The following CYP46A1 variants were observed in gnomAD, a reference collection of about 807,000 sequenced individuals.
The protein encoded by CYP46A1 is cytochrome P450 family 46 subfamily A member 1, also known as cholesterol 24-hydroxylase.
A neutral mutation model predicts 63.3 loss-of-function variants in CYP46A1; 20 were observed. The observed-to-expected ratio is 0.32, with a 90% CI of 0.22 to 0.46. CYP46A1 has a LOEUF of 0.46. CYP46A1 is among the 20% of genes least tolerant of loss of function. The pLI is 1.00. For synonymous variants in CYP46A1, 268 were observed against 273.6 expected (o/e 0.98, Z 0.20); for missense variants, 445 against 670.8 (o/e 0.66, Z 3.72).
At chr14:99,691,545 C>A in intron 2 of CYP46A1, 1 of 587,124 alleles carries the variant, frequency 1.7e-6, no homozygotes, top group Non-Finnish European at 3.0e-6. Flanking sequence ...AGGAGTGTTT[C>A]CAACCCTATT....
chr14:99,686,380 T>C (rs992281826), intron 1 of CYP46A1, among the ~76,000 whole-genome samples: 2 of 152,222 alleles, frequency 1.3e-5, no homozygotes, highest in African/African-American at 4.8e-5. Context: ...CAAAATGTAT[T>C]CTTTAGTGTA....
chr14:99,716,009 G>A lies in CYP46A1; in HGVS notation c.844+49G>A, dbSNP rs780301076. On this transcript the variant is annotated intron_variant, in intron 8 of 14. Transcript: ENST00000261835. ...TGGGGAGGGCGGGGTGGGCCAGGAC[G>A]TTCCCCAGGTGATACATCGCCACTG... The A allele has an allele frequency of 4.4e-6, 7 of 1,599,658 alleles. No homozygotes were observed. The South Asian group carries it at 4.5e-5, about 10-fold the overall frequency.
chr14:99,703,852 A>G (rs2056652200), intron 5 of CYP46A1: 1 of 985,270 alleles, frequency 1.0e-6, no homozygotes, highest in Non-Finnish European at 1.2e-6. Context: ...GAATTGGAAT[A>G]GTCTCAGTCT....
chr14:99,721,473 C>G, intron 11 of CYP46A1, 150 bp downstream of exon 11: 1 of 641,352 alleles, frequency 1.6e-6, no homozygotes, highest in Non-Finnish European at 2.8e-6. Flanking sequence ...GAGGCCCAGG[C>G]TGCCCCAGAC....
intron 1 of CYP46A1, 57 bp downstream of exon 1, chr14:99,684,593 C>G (rs2056473499): frequency 7.3e-7 from 1 of 1,378,164 alleles, no homozygotes; most frequent in Non-Finnish European, 9.6e-7. Context: ...GGCCTGGGGA[C>G]AGCGTCTAAG....
intron 7 of CYP46A1, chr14:99,707,921 A>T: frequency 4.1e-6 from 2 of 485,958 alleles, no homozygotes; most frequent in Non-Finnish European, 7.4e-6. Context: ...CAAAGCAGGC[A>T]ATGTAGGATG....
chr14:99,701,610 A>G (rs1331218658), intron 5 of CYP46A1, among the ~76,000 whole-genome samples: 3 of 152,244 alleles, frequency 2.0e-5, no homozygotes, highest in African/African-American at 7.2e-5. Context: ...CTTGTCGTTA[A>G]GTAACACATG....
intron 3 of CYP46A1, chr14:99,695,392 A>C (rs1429090318): frequency 4.9e-6 from 2 of 406,742 alleles, no homozygotes; most frequent in African/African-American, 2.1e-5. Context: ...AGGAATGTTG[A>C]ACCCTTCATA....
intron 14 of CYP46A1, 62 bp downstream of exon 14, chr14:99,726,318 A>T (rs2056896985): frequency 3.9e-6 from 6 of 1,554,284 alleles, no homozygotes; most frequent in Non-Finnish European, 5.3e-6. Context: ...GCTCATCCTG[A>T]GCCGGGAAGC....
rs1369375052 is a variant in CYP46A1, at chr14:99,721,988, A to G, written c.1098A>G (p.Pro366=). 1 of 1,613,722 alleles carries G rather than the reference A, an allele frequency of 6.2e-7. No individual in the cohort carries two copies. The highest frequency in any genetic ancestry group is 8.5e-7 in the Non-Finnish European group (1 of 1,179,870). ...AAGAGTCGCTGAGGCTGTACCCACCAGCATGGGGCACCTTTCGCCTGCTGG... is the reference window on the plus strand; with the variant it reads ...AAGAGTCGCTGAGGCTGTACCCACCGGCATGGGGCACCTTTCGCCTGCTGG... The part of the protein sequence containing the change: ...VLKESLRLYP[P]AWGTFRLLEE... Residue 366 remains proline (P), a synonymous_variant, in exon 12 of 15, where the codon CCA becomes CCG. Transcript: ENST00000261835.
chr14:99,687,076 C>A (rs1307196407), intron 1 of CYP46A1, among the ~76,000 whole-genome samples: 1 of 152,180 alleles, frequency 6.6e-6, no homozygotes, highest in African/African-American at 2.4e-5. Flanking sequence ...CCTCTCGCTG[C>A]AAGAGGCAAC....
intron 5 of CYP46A1, 135 bp from the exon 6 acceptor site, chr14:99,706,512 G>T: frequency 8.6e-7 from 1 of 1,165,510 alleles, no homozygotes; most frequent in Non-Finnish European, 1.2e-6. Flanking sequence ...TGGGTCTCAA[G>T]GGGAGGCCAG....
chr14:99,699,266 C>T (rs1010497103), intron 3 of CYP46A1, among the ~76,000 whole-genome samples, 200 bp from the exon 4 acceptor site: 2 of 152,062 alleles, frequency 1.3e-5, no homozygotes, highest in Non-Finnish European at 2.9e-5. Context: ...TCACTTCGCC[C>T]CTCTGTGCTG....
Position 99,716,816 on chromosome 14 carries a change from G to A in CYP46A1, c.907+617G>A, listed in dbSNP as rs59712386. ...CTCTGTTCTCCTGGGGCCCAGTGTG[G>A]TAGGGAATCCCATGAACATTGAATG... On this transcript the variant is annotated intron_variant, in intron 9 of 14. Transcript: ENST00000261835. 6.4e-3 allele frequency among the ~76,000 whole-genome samples: 979 copies of A among 152,340 alleles called. 9 individuals are homozygous for A. Among genetic ancestry groups the A allele is most frequent in the African/African-American group, 0.022 (930 of 41,574 alleles).
Position 99,699,995 on chromosome 14 carries a change from C to T in CYP46A1, c.357-20C>T. On this transcript the variant is annotated intron_variant, in intron 4 of 14. Coordinates refer to ENST00000261835, the MANE Select transcript of CYP46A1 (RefSeq NM_006668.2). ...CCACCCCCCACCCTCTTTCCCGCAT[C>T]ACGTGTGTGTCTCCTACAGACTCTT... 1 of 956,064 alleles carries T rather than the reference C, an allele frequency of 1.0e-6. No homozygotes were observed. The highest frequency in any genetic ancestry group is 1.4e-5 in the South Asian group (1 of 69,066). 59.2% of individuals were successfully genotyped at this position (956,064 alleles called of 1,614,324 possible).
intron 9 of CYP46A1, among the ~76,000 whole-genome samples, chr14:99,717,290 C>A (rs1029429219): frequency 6.6e-6 from 1 of 152,138 alleles, no homozygotes; most frequent in Non-Finnish European, 1.5e-5. Flanking sequence ...CTGAGCCCTG[C>A]GTCCAGATGC....
chr14:99,726,821 C>T lies in CYP46A1; in HGVS notation c.*94C>T. The T allele has an allele frequency of 2.8e-6, 3 of 1,059,024 alleles. No homozygotes were observed. The highest frequency in any genetic ancestry group is 2.6e-6 in the Non-Finnish European group (2 of 775,634). The allele number at this position is 1,059,024 out of a possible 1,614,324, so 65.6% of individuals were successfully genotyped here. A position where few individuals can be genotyped will look rare whatever the true frequency, so the allele number is the denominator to read the frequency against. ...CACCCACCCTTCTCCCCTGCCCCGT[C>T]CCCTGGGCCACCCTTCACGCTGGCT... On this transcript the variant is annotated 3_prime_UTR_variant, in exon 15 of 15. Transcript: ENST00000261835.
At position 99,715,867 on chromosome 14, in the gene CYP46A1, C is replaced by T. The variant is rs773100496; in HGVS notation, c.751C>T (p.Arg251Cys). 2.5e-6 allele frequency: 4 copies of T among 1,613,968 alleles called. No homozygotes were observed. The highest frequency in any genetic ancestry group is 1.1e-5 in the South Asian group (1 of 91,078). The change falls in exon 8 of 15, where the codon CGC becomes TGC. Residue 251 changes from arginine (R) to cysteine (C), a missense_variant. By Grantham distance (180) the Arg-to-Cys change is radical (BLOSUM62 -3). Transcript: ENST00000261835. The stretch of plus-strand genomic sequence containing the variant: ...GGTCCGGGAGAGCATTCGCTTCCTG[C>T]GCCAGGTGGGCAGGGACTGGGTCCA... The part of the protein sequence containing the change: ...REVRESIRFL[R>C]QVGRDWVQRR...
chr14:99,684,368 C>T lies in CYP46A1; in HGVS notation c.-50C>T. 2 of 1,176,486 alleles carry T rather than the reference C, an allele frequency of 1.7e-6. No homozygotes were observed. The allele number at this position is 1,176,486 out of a possible 1,614,324, so 72.9% of individuals were successfully genotyped here. ...CTGAGTCGGCTCGCGGCCTCCCGGC[C>T]CCCTCGGCGCCCGGCCCGACCCTGG... On this transcript the variant is annotated 5_prime_UTR_variant, in exon 1 of 15. Coordinates refer to ENST00000261835, the MANE Select transcript of CYP46A1 (RefSeq NM_006668.2).
Sources: gnomAD v4.1 joint callset for allele counts (sites outside exome capture counted in the v4.1 genomes callset) on GRCh38, gnomAD v4.1.1 for gene constraint, MANE v1.5 for transcripts, NCBI Gene and HGNC (gene_info 2026-07-23, HGNC 2026-07-21) for gene names.